NAALADL2: variants seen among roughly 807,000 people sequenced by gnomAD.
NAALADL2 encodes the protein inactive N-acetylated-alpha-linked acidic dipeptidase-like protein 2.
NAALADL2 carries 76 observed loss-of-function variants against 87.2 expected under a neutral mutation model. That is an observed-to-expected ratio of 0.87 (90% CI 0.72 to 1.05). NAALADL2 has a LOEUF of 1.05. Among genes scored for constraint, NAALADL2 ranks in the 50% least tolerant of loss-of-function variants. The pLI, the probability that NAALADL2 is intolerant of heterozygous loss-of-function variation, is 0.00. For missense variants in NAALADL2, 1,089 were observed against 945.8 expected, an observed-to-expected ratio of 1.15 and a Z score of -1.99; for synonymous variants, 354 against 331.0, an observed-to-expected ratio of 1.07 and a Z score of -0.75.
At chr3:174,458,179 T>C (rs1412759850) in intron 1 of NAALADL2, among the ~76,000 whole-genome samples, 1 of 152,200 alleles carries the variant, frequency 6.6e-6, no homozygotes, top group Non-Finnish European at 1.5e-5. Context: ...GTATTATTAA[T>C]AGTTCACTAT....
intron 13 of NAALADL2, among the ~76,000 whole-genome samples, chr3:175,798,701 T>C (rs1004913818): frequency 4.6e-5 from 7 of 152,080 alleles, no homozygotes; most frequent in African/African-American, 1.7e-4. Flanking sequence ...AACATTTTTT[T>C]AGGATGTATT....
chr3:174,902,166 G>A (rs2108261851), intron 1 of NAALADL2, among the ~76,000 whole-genome samples: 1 of 152,172 alleles, frequency 6.6e-6, no homozygotes, highest in African/African-American at 2.4e-5. Context: ...AAGAGAAATA[G>A]CTAAACCCTT....
At chr3:175,221,855 A>G (rs187629066) in intron 2 of NAALADL2, among the ~76,000 whole-genome samples, 1 of 151,912 alleles carries the variant, frequency 6.6e-6, no homozygotes, top group African/African-American at 2.4e-5. Flanking sequence ...GCTCACTGCA[A>G]CTTCCACCTC....
chr3:175,515,538 G>C (rs1731712965), intron 9 of NAALADL2, among the ~76,000 whole-genome samples: 1 of 150,268 alleles, frequency 6.7e-6, no homozygotes, highest in Non-Finnish European at 1.5e-5. Flanking sequence ...AACAACAAAA[G>C]AGAATTCTAG....
chr3:174,814,653 T>A (rs1273444596), intron 3 of NAALADL2, among the ~76,000 whole-genome samples: 5 of 152,132 alleles, frequency 3.3e-5, no homozygotes. Context: ...GAATAATTAA[T>A]AATATCAAAT....
At chr3:175,655,034 A>G (rs1001741529) in intron 11 of NAALADL2, among the ~76,000 whole-genome samples, 5 of 152,132 alleles carry the variant, frequency 3.3e-5, no homozygotes, top group Non-Finnish European at 5.9e-5. Context: ...GCTCACTCCA[A>G]TAACAAGTGG....
Position 175,603,163 on chromosome 3 carries a change from T to C in NAALADL2, c.1801-24128T>C, listed in dbSNP as rs192884670. 6.6e-5 allele frequency among the ~76,000 whole-genome samples: 10 copies of C among 152,334 alleles called. No individual in the cohort carries two copies. In the East Asian group the frequency reaches 1.9e-3, roughly 29 times the overall value. On this transcript the variant is annotated intron_variant, in intron 10 of 13. Transcript: ENST00000454872. ...CTAGTTTTTTCACTTGGCCTAATAA[T>C]GTCCTTTATAGCGTTTATTTATCTA... is the stretch of plus-strand genomic sequence containing the variant.
chr3:174,562,116 C>G (rs1713693883), intron 2 of NAALADL2, among the ~76,000 whole-genome samples: 1 of 152,054 alleles, frequency 6.6e-6, no homozygotes, highest in Non-Finnish European at 1.5e-5. Flanking sequence ...TGTGTGTTGA[C>G]AGCAGGATTC....
chr3:175,458,455 A>C (rs1386394078), intron 6 of NAALADL2, among the ~76,000 whole-genome samples: 1 of 142,090 alleles, frequency 7.0e-6, no homozygotes, highest in Non-Finnish European at 1.5e-5. Flanking sequence ...ACAATCAACA[A>C]CATATATAGA....
chr3:174,478,744 T>C (rs1216262405), intron 1 of NAALADL2, among the ~76,000 whole-genome samples: 1 of 152,154 alleles, frequency 6.6e-6, no homozygotes, highest in Non-Finnish European at 1.5e-5. Flanking sequence ...CAGAACCTTG[T>C]TCTGTCACCC....
intron 2 of NAALADL2, among the ~76,000 whole-genome samples, chr3:175,190,667 G>A (rs1164923159): frequency 1.3e-5 from 2 of 152,046 alleles, no homozygotes; most frequent in Non-Finnish European, 2.9e-5. Flanking sequence ...AAAAGATGTG[G>A]GTCAGAGGAT....
At chr3:175,739,063 C>G (rs1317997407) in intron 12 of NAALADL2, among the ~76,000 whole-genome samples, 1 of 152,016 alleles carries the variant, frequency 6.6e-6, no homozygotes, top group Non-Finnish European at 1.5e-5. Context: ...GTTTAACAAC[C>G]TCACAATACT....
At chr3:174,638,685 C>G (rs1343905025) in intron 2 of NAALADL2, among the ~76,000 whole-genome samples, 1 of 151,926 alleles carries the variant, frequency 6.6e-6, no homozygotes, top group Non-Finnish European at 1.5e-5. Context: ...ATAAAGGCAA[C>G]TATAAAAATA....
chr3:174,714,864 C>G (rs1042900004), intron 2 of NAALADL2, among the ~76,000 whole-genome samples: 12 of 152,114 alleles, frequency 7.9e-5, no homozygotes, highest in Non-Finnish European at 1.5e-4. Context: ...GAGGGCATCC[C>G]TGTCTTGTGC....
chr3:174,850,484 T>C (rs996262239), intron 3 of NAALADL2, among the ~76,000 whole-genome samples: 2 of 152,084 alleles, frequency 1.3e-5, no homozygotes, highest in African/African-American at 4.8e-5. Context: ...TTATGTTAGA[T>C]AAAATAGATT....
At chr3:174,809,440 G>A (rs918729507) in intron 3 of NAALADL2, among the ~76,000 whole-genome samples, 3 of 152,008 alleles carry the variant, frequency 2.0e-5, no homozygotes, top group Non-Finnish European at 4.4e-5. Context: ...CAATATGTTC[G>A]GATTTTACCA....
rs559619148 is a variant in NAALADL2 at position 175,635,770 on chromosome 3, T to C, written c.1896+8384T>C. On this transcript the variant is annotated intron_variant, in intron 11 of 13. Transcript: ENST00000454872. ...GAGGAGACTCTACCTTTCCATATCG[T>C]TCTTGAATAATACCATTCTCAAGGT... Among the ~76,000 whole-genome samples, 8 of 152,296 alleles carry C rather than the reference T, an allele frequency of 5.3e-5. No individual in the cohort carries two copies. In the South Asian group the frequency reaches 1.7e-3, roughly 32 times the overall value.
chr3:174,655,920 G>A (rs148072728), intron 2 of NAALADL2, among the ~76,000 whole-genome samples: 9 of 152,236 alleles, frequency 5.9e-5, no homozygotes, highest in African/African-American at 1.9e-4. Flanking sequence ...ATTCAGGTAG[G>A]GGTGATGTTG....
At chr3:175,585,906 A>T (rs996587161) in intron 10 of NAALADL2, among the ~76,000 whole-genome samples, 1 of 152,214 alleles carries the variant, frequency 6.6e-6, no homozygotes, top group Non-Finnish European at 1.5e-5. Flanking sequence ...CATGTCTTCT[A>T]ATTTCCATGA....
Sources: gnomAD v4.1 joint callset for allele counts (sites outside exome capture counted in the v4.1 genomes callset) on GRCh38, gnomAD v4.1.1 for gene constraint, MANE v1.5 for transcripts, NCBI Gene and HGNC (gene_info 2026-07-23, HGNC 2026-07-21) for gene names.